Variants in PDE4C observed in about 807,000 individuals in gnomAD.
PDE4C encodes the protein 3',5'-cyclic-AMP phosphodiesterase 4C.
PDE4C carries 50 observed loss-of-function variants against 63.9 expected under a neutral mutation model. That is an observed-to-expected ratio of 0.78 (90% CI 0.62 to 0.99). PDE4C has a LOEUF of 0.99. Among genes scored for constraint, PDE4C ranks in the 50% least tolerant of loss-of-function variants. PDE4C has a pLI of 0.00. For missense variants in PDE4C, 777 were observed against 899.1 expected (o/e 0.86, Z 1.74); for synonymous variants, 377 against 385.1 (o/e 0.98, Z 0.25).
upstream of PDE4C, among the ~76,000 whole-genome samples, chr19:18,249,637 G>C (rs185768536): frequency 6.8e-6 from 1 of 146,386 alleles, no homozygotes; most frequent in Non-Finnish European, 1.5e-5. Context: ...ACAATGGGGC[G>C]ATCTCAGCTC....
At chr19:18,252,606 TTC>T (rs201689621), upstream of PDE4C, 3 of 367,750 alleles carry the variant, frequency 8.2e-6, no homozygotes, top group Admixed American at 4.7e-5. Context: ...CTCTCTCTCT[TTC>T]TCTCTCTCTT....
chr19:18,216,937 C>G, intron 11 of PDE4C, 42 bp from the exon 12 acceptor site: 2 of 1,555,286 alleles, frequency 1.3e-6, no homozygotes, highest in Non-Finnish European at 1.7e-6. Flanking sequence ...TCCACCCGCC[C>G]CACCCACTCT....
upstream of PDE4C, among the ~76,000 whole-genome samples, chr19:18,248,713 C>G (rs888580009): frequency 9.2e-5 from 14 of 151,964 alleles, no homozygotes; most frequent in Admixed American, 1.3e-4. Flanking sequence ...TGTGCCGCCC[C>G]GGGTAGATCA....
intron 1 of PDE4C, among the ~76,000 whole-genome samples, chr19:18,244,278 A>G (rs567546202): frequency 1.1e-4 from 16 of 145,450 alleles, no homozygotes; most frequent in Non-Finnish European, 2.3e-4. Flanking sequence ...ACCCTGAGCT[A>G]CCTCCCCTTT....
upstream of PDE4C, among the ~76,000 whole-genome samples, chr19:18,248,795 C>T (rs1382757837): frequency 1.3e-5 from 2 of 151,036 alleles, no homozygotes. Context: ...GAGGCGGAGG[C>T]GGGTGGATCA....
rs906006216 is a variant in PDE4C, at chr19:18,224,576, G to A, written c.146+1694C>T. 22 of 902,666 alleles carry A rather than the reference G, an allele frequency of 2.4e-5. No homozygotes were observed. The East Asian group carries it at 7.2e-4, about 29-fold the overall frequency. 55.9% of individuals were successfully genotyped at this position (902,666 alleles called of 1,614,324 possible). ...ATTGAGCTCGGGAGACTTCGGATAA[G>A]TTCGAGCTTGTTCGCCTAAGTCCGG... On this transcript the variant is annotated intron_variant, in intron 1 of 14. Transcript: ENST00000262805.
chr19:18,241,283 T>C (rs1222629521), intron 1 of PDE4C, among the ~76,000 whole-genome samples: 1 of 94,196 alleles, frequency 1.1e-5, no homozygotes, highest in Non-Finnish European at 2.1e-5. Flanking sequence ...TTTTTTTTTT[T>C]TGAGATGGAG....
At chr19:18,246,761 T>A (rs996825482) in intron 1 of PDE4C, among the ~76,000 whole-genome samples, 14 of 152,000 alleles carry the variant, frequency 9.2e-5, no homozygotes, top group African/African-American at 3.4e-4. Flanking sequence ...AACCCGTCTC[T>A]ACTAAAAATA....
At chr19:18,215,148 G>A (rs1234610652) in intron 12 of PDE4C, among the ~76,000 whole-genome samples, 2 of 152,002 alleles carry the variant, frequency 1.3e-5, no homozygotes, top group African/African-American at 4.8e-5. Flanking sequence ...CTCACCAAAC[G>A]TTTAGTTCTT....
chr19:18,251,560 G>A (rs1969229248), upstream of PDE4C, among the ~76,000 whole-genome samples: 1 of 150,532 alleles, frequency 6.6e-6, no homozygotes, highest in African/African-American at 2.4e-5. Context: ...TCAGCCTCCC[G>A]AGTTGCTGAG....
chr19:18,219,836 A>G (rs1178299514), intron 7 of PDE4C, among the ~76,000 whole-genome samples: 1 of 151,592 alleles, frequency 6.6e-6, no homozygotes, highest in African/African-American at 2.4e-5. Context: ...AAAAAAAAAA[A>G]GATCCTGTCT....
chr19:18,255,303 G>A, the PDE4C span: 163 of 399,280 alleles, frequency 4.1e-4, no homozygotes, highest in South Asian at 5.1e-4. This position sits in a 1 kb window ranked among gnomAD's most constrained non-coding sequence, Gnocchi z 4.6. Flanking sequence ...CTGGGGGCAC[G>A]CCATTCCTGC....
chr19:18,221,440 C>CCCAGCA (rs1246068649), intron 2 of PDE4C, 143 bp from the exon 3 acceptor site: 20 of 743,750 alleles, frequency 2.7e-5, no homozygotes, highest in Non-Finnish European at 4.1e-5. Context: ...CCTCATGCGA[C>CCCAGCA]TCTCCCTGAG....
At chr19:18,248,283 C>T (rs985846373), upstream of PDE4C, 21 of 452,578 alleles carry the variant, frequency 4.6e-5, 1 homozygote, top group South Asian at 7.8e-5. Flanking sequence ...ACCCACTCAG[C>T]GGAGCCCCTT....
exon 9 of PDE4C, chr19:18,219,013 C>T: frequency 6.2e-7 from 1 of 1,613,304 alleles, no homozygotes. Context: ...CACATCAAGT[C>T]CCCACTTGTT....
intron 1 of PDE4C, among the ~76,000 whole-genome samples, chr19:18,239,523 A>G (rs1969005073): frequency 1.3e-5 from 2 of 152,188 alleles, no homozygotes; most frequent in African/African-American, 4.8e-5. Context: ...AATGGGACCC[A>G]CGTGCGCCAG....
chr19:18,216,698 C>A (rs1968208898), intron 12 of PDE4C, 43 bp downstream of exon 12: 1 of 1,529,802 alleles, frequency 6.5e-7, no homozygotes, highest in South Asian at 1.2e-5. Flanking sequence ...GGATGCCCCG[C>A]TCCCCTCTGC....
At chr19:18,249,933 G>C (rs1969211438), upstream of PDE4C, 1 of 392,464 alleles carries the variant, frequency 2.5e-6, no homozygotes, top group African/African-American at 2.1e-5. Flanking sequence ...TGAAAGTAAA[G>C]ACATGGTCCC....
chr19:18,219,202 C>T, intron 8 of PDE4C, 32 bp downstream of exon 8: 1 of 1,613,858 alleles, frequency 6.2e-7, no homozygotes. Context: ...AGGGACCAAA[C>T]CTTGATCTTG....
Sources: allele counts gnomAD v4.1 joint callset (sites outside exome capture counted in the v4.1 genomes callset), GRCh38; gene constraint gnomAD v4.1.1; non-coding constraint Gnocchi (gnomAD v3.1); transcripts MANE v1.5; gene names NCBI Gene and HGNC (gene_info 2026-07-23, HGNC 2026-07-21).